The following AK9 variants were observed in gnomAD, a reference collection of about 807,000 sequenced individuals.
AK9 encodes the protein adenylate kinase domain containing 1.
Under a neutral mutation model 239.6 loss-of-function variants are expected in AK9, and 191 were observed. The observed-to-expected ratio is 0.80, with a 90% CI of 0.71 to 0.90. The LOEUF (loss-of-function observed/expected upper bound fraction) is 0.90, where lower values mean the gene tolerates loss of function less well. Among genes scored for constraint, AK9 ranks in the 40% least tolerant of loss-of-function variants. The pLI, the probability that AK9 is intolerant of heterozygous loss-of-function variation, is 0.00. For synonymous variants in AK9, 689 were observed against 721.0 expected, an observed-to-expected ratio of 0.96 and a Z score of 0.71; for missense variants, 1,995 against 2,214.7, an observed-to-expected ratio of 0.90 and a Z score of 1.99.
intron 29 of AK9, among the ~76,000 whole-genome samples, chr6:109,517,771 C>A (rs952659914): frequency 2.6e-5 from 4 of 152,082 alleles, no homozygotes; most frequent in Admixed American, 6.5e-5. Context: ...TATTAAAGAC[C>A]ATGACAGGAT....
chr6:109,655,150 G>C (rs534415451), intron 8 of AK9, among the ~76,000 whole-genome samples: 1 of 152,300 alleles, frequency 6.6e-6, no homozygotes, highest in South Asian at 2.1e-4. Flanking sequence ...CCTGTCAAAG[G>C]ATGGCCATAC....
intron 29 of AK9, among the ~76,000 whole-genome samples, chr6:109,517,857 A>C (rs962125937): frequency 2.0e-5 from 3 of 152,092 alleles, no homozygotes; most frequent in Non-Finnish European, 4.4e-5. Context: ...TATAATAATC[A>C]TCCTCTGCAC....
chr6:109,593,697 A>G (rs1178649534), intron 17 of AK9, among the ~76,000 whole-genome samples: 2 of 152,204 alleles, frequency 1.3e-5, no homozygotes, highest in Non-Finnish European at 2.9e-5. Flanking sequence ...CTGGGATGCA[A>G]GGCTGGTTCA....
chr6:109,579,440 T>C (rs1562441495), intron 20 of AK9, 110 bp downstream of exon 20: 10 of 1,061,824 alleles, frequency 9.4e-6, no homozygotes, highest in Non-Finnish European at 1.4e-5. Flanking sequence ...TGGGCTCTCA[T>C]GGACAAATTG....
At chr6:109,580,709 C>T (rs952548966) in intron 19 of AK9, among the ~76,000 whole-genome samples, 9 of 152,282 alleles carry the variant, frequency 5.9e-5, no homozygotes, top group African/African-American at 1.9e-4. Context: ...TCTCTCACTG[C>T]ATTCCAAATC....
At chr6:109,601,137 CTT>C (rs1490414371) in intron 17 of AK9, among the ~76,000 whole-genome samples, 1 of 152,076 alleles carries the variant, frequency 6.6e-6, no homozygotes, top group Non-Finnish European at 1.5e-5. Flanking sequence ...TTTGTTTGCT[CTT>C]GTTTCTCTAG....
chr6:109,583,387 A>C (rs1789101162), intron 19 of AK9, among the ~76,000 whole-genome samples: 1 of 152,176 alleles, frequency 6.6e-6, no homozygotes, highest in South Asian at 2.1e-4. Context: ...ATGCTGGAAA[A>C]GTTTTAAAAT....
At chr6:109,538,128 G>C (rs1782289702) in intron 27 of AK9, among the ~76,000 whole-genome samples, 2 of 152,132 alleles carry the variant, frequency 1.3e-5, no homozygotes, top group Admixed American at 1.3e-4. Context: ...GGTCCACTTG[G>C]TGTAGAGCTG....
intron 10 of AK9, among the ~76,000 whole-genome samples, chr6:109,640,226 G>A (rs552402415): frequency 6.6e-6 from 1 of 152,174 alleles, no homozygotes; most frequent in Non-Finnish European, 1.5e-5. Flanking sequence ...ATGGGCGTGG[G>A]ACCTGCCGAG....
At chr6:109,592,074 A>T (rs1422724626) in intron 17 of AK9, among the ~76,000 whole-genome samples, 3 of 150,224 alleles carry the variant, frequency 2.0e-5, no homozygotes, top group African/African-American at 7.3e-5. Context: ...ATCTTTTGCC[A>T]AAAACTGTTT....
chr6:109,677,590 CA>C (rs1040305399), intron 1 of AK9, among the ~76,000 whole-genome samples: 1 of 152,046 alleles, frequency 6.6e-6, no homozygotes, highest in African/African-American at 2.4e-5. Context: ...TAAATATATA[CA>C]TGCCTAAAAT....
chr6:109,686,904 G>A (rs1773587231), intron 1 of AK9, among the ~76,000 whole-genome samples: 1 of 152,200 alleles, frequency 6.6e-6, no homozygotes, highest in South Asian at 2.1e-4. Flanking sequence ...AATGGGATCA[G>A]GCTCAAACAG....
chr6:109,553,135 C>T (rs1187401670), intron 24 of AK9, among the ~76,000 whole-genome samples: 2 of 152,102 alleles, frequency 1.3e-5, no homozygotes, highest in Admixed American at 6.5e-5. Context: ...AGTCAGGTAG[C>T]GTGATGCCTC....
At chr6:109,681,222 CAT>C (rs1195643536) in intron 1 of AK9, among the ~76,000 whole-genome samples, 1 of 152,114 alleles carries the variant, frequency 6.6e-6, no homozygotes, top group Non-Finnish European at 1.5e-5. Flanking sequence ...CAAAGACAAA[CAT>C]AGGTGCAAAA....
At chr6:109,616,393 T>C (rs919632828) in intron 13 of AK9, among the ~76,000 whole-genome samples, 4 of 149,844 alleles carry the variant, frequency 2.7e-5, no homozygotes, top group African/African-American at 7.6e-5. Context: ...TAATTTTCAT[T>C]TTTTTTTCTT....
At chr6:109,621,893 T>TAAAAAA (rs59405869) in intron 12 of AK9, among the ~76,000 whole-genome samples, 38 of 55,456 alleles carry the variant, frequency 6.9e-4, no homozygotes, top group African/African-American at 1.3e-3. Flanking sequence ...AAAGTATAAT[T>TAAAAAA]AAAAAAAAAA....
chr6:109,554,525 C>CTTTTT (rs3060760), intron 24 of AK9, among the ~76,000 whole-genome samples: 434 of 77,142 alleles, frequency 5.6e-3, no homozygotes, highest in Non-Finnish European at 7.3e-3. Context: ...TATTTCTTTT[C>CTTTTT]TTTTTTTTTT....
chr6:109,540,219 G>C (rs921139109), intron 27 of AK9, among the ~76,000 whole-genome samples: 3 of 152,246 alleles, frequency 2.0e-5, no homozygotes, highest in African/African-American at 7.2e-5. Context: ...TACAGATGCA[G>C]TCAGGCCTCC....
chr6:109,545,994 T>G lies in AK9; in HGVS notation c.3098A>C (p.Lys1033Thr), dbSNP rs140622664. ...EEVLQEKLLL[K>T]TEKKVGPEFE... ...TTCAGGTCCCACTTTCTTTTCAGTTTTGAGTAGTAGTTTTTCTTGAAGAAC... is the reference window on the plus strand; with the variant it reads ...TTCAGGTCCCACTTTCTTTTCAGTTGTGAGTAGTAGTTTTTCTTGAAGAAC... Residue 1033 changes from lysine to threonine, a missense_variant, in exon 26 of 41, where the codon AAA becomes ACA. Transcript: ENST00000424296. The G allele has an allele frequency of 1.0e-3, 1,644 of 1,614,054 alleles. 2 individuals are homozygous for G. The highest frequency in any genetic ancestry group is 1.3e-3 in the Non-Finnish European group (1,531 of 1,180,028).
Sources: allele counts gnomAD v4.1 joint callset (sites outside exome capture counted in the v4.1 genomes callset), GRCh38; gene constraint gnomAD v4.1.1; transcripts MANE v1.5; gene names NCBI Gene and HGNC (gene_info 2026-07-23, HGNC 2026-07-21).